Variants in ADGRL2 observed in about 807,000 individuals in gnomAD.
ADGRL2 encodes calcium-independent alpha-latrotoxin receptor 2.
A neutral mutation model predicts 157.4 loss-of-function variants in ADGRL2; 44 were observed. That is an observed-to-expected ratio of 0.28 (90% CI 0.22 to 0.36). ADGRL2 has a LOEUF of 0.36. Ranked by LOEUF, ADGRL2 falls within the 10% of genes least tolerant of loss-of-function variation. The probability of loss-of-function intolerance (pLI) is 1.00; values close to 1 mark genes in which losing one functional copy is unlikely to be tolerated. For synonymous variants in ADGRL2, 585 were observed against 624.7 expected (o/e 0.94, Z 0.95); for missense variants, 1,510 against 1,768.9 (o/e 0.85, Z 2.63).
At chr1:81,739,196 T>C (rs192597505) in intron 1 of ADGRL2, among the ~76,000 whole-genome samples, 1 of 152,344 alleles carries the variant, frequency 6.6e-6, no homozygotes, top group Admixed American at 6.5e-5. Context: ...ACAACTTTAG[T>C]TGCTAAGATG....
intron 1 of ADGRL2, among the ~76,000 whole-genome samples, chr1:81,313,288 C>T (rs1342772301): frequency 6.6e-6 from 1 of 152,216 alleles, no homozygotes; most frequent in Non-Finnish European, 1.5e-5. Flanking sequence ...TAGGTCTTCT[C>T]ACAGTCAGTG....
intron 2 of ADGRL2, among the ~76,000 whole-genome samples, chr1:81,493,685 A>T (rs192098068): frequency 5.3e-5 from 8 of 152,290 alleles, no homozygotes; most frequent in Admixed American, 5.2e-4. Context: ...ATAAGCCAGA[A>T]CTGTCAAACA....
At chr1:81,652,151 A>T (rs1570739777) in intron 3 of ADGRL2, among the ~76,000 whole-genome samples, 1 of 152,352 alleles carries the variant, frequency 6.6e-6, no homozygotes, top group Middle Eastern at 3.4e-3. Flanking sequence ...ATCCAATAAA[A>T]AAACAGCAAG....
At chr1:81,870,129 G>T (rs1375684043) in intron 2 of ADGRL2, among the ~76,000 whole-genome samples, 1 of 151,906 alleles carries the variant, frequency 6.6e-6, no homozygotes, top group African/African-American at 2.4e-5. Context: ...ATTTTCATGA[G>T]AGTTTTTACA....
intron 3 of ADGRL2, among the ~76,000 whole-genome samples, chr1:81,642,711 A>G (rs1368589541): frequency 2.6e-5 from 4 of 152,216 alleles, no homozygotes; most frequent in African/African-American, 7.2e-5. Context: ...TCCAAAATGT[A>G]CAAAGAGAAT....
At chr1:81,852,074 A>T (rs901047085) in intron 2 of ADGRL2, among the ~76,000 whole-genome samples, 2 of 152,036 alleles carry the variant, frequency 1.3e-5, no homozygotes, top group Non-Finnish European at 2.9e-5. Flanking sequence ...TTTTTCATTG[A>T]CATATTCAGC....
intron 1 of ADGRL2, among the ~76,000 whole-genome samples, chr1:81,440,758 C>G (rs1304562417): frequency 6.6e-6 from 1 of 152,176 alleles, no homozygotes; most frequent in East Asian, 1.9e-4. Context: ...CTGTGAGGCT[C>G]CAAGTTTCTA....
At chr1:81,972,601 G>A (rs1016568407) in intron 17 of ADGRL2, among the ~76,000 whole-genome samples, 115 of 152,106 alleles carry the variant, frequency 7.6e-4, no homozygotes, top group African/African-American at 2.7e-3. Flanking sequence ...ACAGTATCTA[G>A]ACTTTGGTAT....
intron 3 of ADGRL2, among the ~76,000 whole-genome samples, chr1:81,625,172 C>T (rs2081884943): frequency 6.6e-6 from 1 of 152,108 alleles, no homozygotes; most frequent in South Asian, 2.1e-4. Context: ...AATATATTTC[C>T]TGAATGAGAC....
intron 1 of ADGRL2, among the ~76,000 whole-genome samples, chr1:81,355,422 T>G (rs1663209982): frequency 6.6e-6 from 1 of 152,126 alleles, no homozygotes; most frequent in Non-Finnish European, 1.5e-5. Flanking sequence ...TTCAAGTATT[T>G]CCATACAGAT....
At chr1:81,422,813 C>T (rs1426449195) in intron 1 of ADGRL2, among the ~76,000 whole-genome samples, 1 of 152,134 alleles carries the variant, frequency 6.6e-6, no homozygotes, top group African/African-American at 2.4e-5. Context: ...ATACAAAGTA[C>T]TTATCATAAT....
chr1:81,779,604 T>G (rs1011241997), intron 2 of ADGRL2, among the ~76,000 whole-genome samples: 2 of 152,184 alleles, frequency 1.3e-5, no homozygotes, highest in Non-Finnish European at 2.9e-5. Context: ...ATGTTTCCCC[T>G]TTTACTATCT....
At chr1:81,729,348 C>T (rs921604936) in intron 1 of ADGRL2, among the ~76,000 whole-genome samples, 13 of 152,056 alleles carry the variant, frequency 8.5e-5, no homozygotes, top group African/African-American at 3.1e-4. Flanking sequence ...AGTATGGGTT[C>T]TTATTTCTAG....
chr1:81,971,471 T>G (rs891585438), intron 16 of ADGRL2, among the ~76,000 whole-genome samples: 2 of 152,144 alleles, frequency 1.3e-5, no homozygotes, highest in Admixed American at 6.6e-5. Flanking sequence ...CTCAGACAGA[T>G]CTGAAAGGCA....
At chr1:81,381,310 T>G (rs2076340019) in intron 1 of ADGRL2, among the ~76,000 whole-genome samples, 1 of 152,194 alleles carries the variant, frequency 6.6e-6, no homozygotes, top group Non-Finnish European at 1.5e-5. Context: ...CCCTAAATAA[T>G]AGTAAAAATT....
intron 5 of ADGRL2, chr1:81,942,694 T>C (rs1648487680): frequency 2.2e-6 from 1 of 452,058 alleles, no homozygotes; most frequent in Admixed American, 3.4e-5. Flanking sequence ...GATGAAAACA[T>C]AGCAAAAATT....
At chr1:81,488,888 TAAAGAG>T (rs2078567405) in intron 2 of ADGRL2, among the ~76,000 whole-genome samples, 1 of 151,930 alleles carries the variant, frequency 6.6e-6, no homozygotes. Context: ...TGAATTAAGA[TAAAGAG>T]AAAGTCAATA....
intron 3 of ADGRL2, among the ~76,000 whole-genome samples, chr1:81,652,437 C>A (rs1029118585): frequency 2.0e-5 from 3 of 151,770 alleles, no homozygotes; most frequent in Non-Finnish European, 2.9e-5. Flanking sequence ...TAAATAACAC[C>A]TGAACAATTA....
At chr1:81,655,880 A>G (rs2082523317) in intron 3 of ADGRL2, among the ~76,000 whole-genome samples, 1 of 152,134 alleles carries the variant, frequency 6.6e-6, no homozygotes, top group Admixed American at 6.6e-5. Context: ...GGAGGACATT[A>G]TATTTGAAAG....
Sources: allele counts gnomAD v4.1 joint callset (sites outside exome capture counted in the v4.1 genomes callset), GRCh38; gene constraint gnomAD v4.1.1; transcripts MANE v1.5; gene names NCBI Gene and HGNC (gene_info 2026-07-23, HGNC 2026-07-21).